The following ARHGAP4 variants were observed in gnomAD, a reference collection of about 807,000 sequenced individuals.
ARHGAP4 encodes Rho GTPase activating protein 4.
ARHGAP4 carries 25 observed loss-of-function variants against 67.6 expected under a neutral mutation model. The observed-to-expected ratio is 0.37, with a 90% confidence interval of 0.27 to 0.52. The LOEUF (loss-of-function observed/expected upper bound fraction) is 0.52, where lower values mean the gene tolerates loss of function less well. Among genes scored for constraint, ARHGAP4 ranks in the 20% least tolerant of loss-of-function variants. The pLI is 0.92. For synonymous variants in ARHGAP4, 448 were observed against 373.7 expected, an observed-to-expected ratio of 1.20 and a Z score of -2.29; for missense variants, 804 against 854.6, an observed-to-expected ratio of 0.94 and a Z score of 0.74.
At position 153,912,823 on chromosome X, in the gene ARHGAP4, C is replaced by T. The variant is rs781959232; in HGVS notation, c.1440-21G>A. ...GGGTCCTGCAGTGAATGGGAGCTGG[C>T]TCTGAGGGGGCCAGGTGTGGAGAAT... On this transcript the variant is annotated intron_variant, in intron 11 of 21. Transcript: ENST00000350060. 2.5e-5 allele frequency: 30 copies of T among 1,179,397 alleles called. No homozygotes were observed. In the South Asian group the frequency reaches 5.3e-4, roughly 21 times the overall value.
chrX:153,909,592 G>C, intron 19 of ARHGAP4, 57 bp from the exon 20 acceptor site: 1 of 981,788 alleles, frequency 1.0e-6, no homozygotes, highest in East Asian at 3.9e-5. Context: ...GGGGTCCAGG[G>C]CCAGCAGCTC....
At chrX:153,925,993 G>C (rs1256855087) in intron 1 of ARHGAP4, 143 bp downstream of exon 1, 1 of 856,985 alleles carries the variant, frequency 1.2e-6, no homozygotes, top group East Asian at 4.3e-5. Context: ...CAGGCAAGGG[G>C]CTCAGGCTCC....
intron 19 of ARHGAP4, 27 bp from the exon 20 acceptor site, chrX:153,909,562 C>T (rs782287995): frequency 6.1e-5 from 71 of 1,165,769 alleles, no homozygotes; most frequent in South Asian, 1.2e-4. Flanking sequence ...CGGCCTGTTT[C>T]GAGTGCTCCT....
chrX:153,911,462 G>C (rs150581735), intron 12 of ARHGAP4, among the ~76,000 whole-genome samples: 1 of 110,941 alleles, frequency 9.0e-6, no homozygotes, highest in Non-Finnish European at 1.9e-5. Flanking sequence ...CATCGTTGTC[G>C]GCACAGAGGC....
Position 153,913,775 on chromosome X carries a change from G to A in ARHGAP4, c.1134+3C>T. ...CCTCTAACCCCCGGTGGGCTGCCCA[G>A]ACCTCCTCTGTCTCAATGGTCTGTC... is the stretch of plus-strand genomic sequence containing the variant. On this transcript the variant is annotated splice_donor_region_variant and intron_variant, in intron 8 of 21. Transcript: ENST00000350060. 1.7e-6 allele frequency: 2 copies of A among 1,211,086 alleles called. No homozygotes were observed. Among genetic ancestry groups the A allele is most frequent in the Non-Finnish European group, 2.2e-6 (2 of 894,892 alleles).
intron 4 of ARHGAP4, 142 bp downstream of exon 4, chrX:153,920,955 G>C: frequency 1.1e-6 from 1 of 892,911 alleles, no homozygotes; most frequent in Non-Finnish European, 1.5e-6. Flanking sequence ...TGCCTAGGGA[G>C]AGAGGCCTTT....
At chrX:153,922,755 CTTCA>C (rs1264117426) in intron 1 of ARHGAP4, among the ~76,000 whole-genome samples, 3 of 112,244 alleles carry the variant, frequency 2.7e-5, no homozygotes, top group Admixed American at 9.4e-5. Flanking sequence ...GAATTGATGT[CTTCA>C]TTCAGCAGAA....
chrX:153,920,890 G>A, intron 4 of ARHGAP4, 82 bp from the exon 5 acceptor site: 2 of 1,137,179 alleles, frequency 1.8e-6, no homozygotes, highest in African/African-American at 1.8e-5. Context: ...TGCCCCTCTG[G>A]AACTTGGACC....
At chrX:153,921,549 G>A in intron 2 of ARHGAP4, 22 bp from the exon 3 acceptor site, 2 of 1,199,993 alleles carry the variant, frequency 1.7e-6, no homozygotes, top group Non-Finnish European at 2.2e-6. Flanking sequence ...GGGGCACTGA[G>A]ACCTGGGAGC....
chrX:153,907,683 G>C lies in ARHGAP4; in HGVS notation c.*46C>G. The stretch of plus-strand genomic sequence containing the variant: ...GCAAGGGGGCTGGGGAGAGTGGCCG[G>C]TCCAGCGGGTAGCCGCCGGGGGCAC... On this transcript the variant is annotated 3_prime_UTR_variant, in exon 22 of 22. Coordinates refer to ENST00000350060, the MANE Select transcript of ARHGAP4 (RefSeq NM_001666.5). 1.4e-6 allele frequency: 1 copy of C among 711,203 alleles called. No individual in the cohort carries two copies. Among genetic ancestry groups the C allele is most frequent in the East Asian group, 3.9e-5 (1 of 25,904 alleles). 58.6% of individuals were successfully genotyped at this position (711,203 alleles called of 1,213,427 possible). A position where few individuals can be genotyped will look rare whatever the true frequency, so the allele number is the denominator to read the frequency against.
chrX:153,926,088 T>G (rs1557106214), intron 1 of ARHGAP4, 48 bp downstream of exon 1: 2 of 1,187,081 alleles, frequency 1.7e-6, no homozygotes, highest in Middle Eastern at 2.3e-4. Flanking sequence ...CCTCACGACC[T>G]TGGGTTCTCC....
chrX:153,922,178 T>C, intron 1 of ARHGAP4: 1 of 868,478 alleles, frequency 1.2e-6, no homozygotes, highest in Non-Finnish European at 1.4e-6. Flanking sequence ...CTGAATGGTT[T>C]CCCCTGCGAC....
Position 153,909,862 on chromosome X carries a change from G to C in ARHGAP4, c.2293C>G (p.Leu765Val), listed in dbSNP as rs1557102433. The C allele has an allele frequency of 1.2e-5, 14 of 1,204,858 alleles. No individual in the cohort carries two copies. Among genetic ancestry groups the C allele is most frequent in the Non-Finnish European group, 1.5e-5 (13 of 892,648 alleles). The part of the protein sequence containing the change: ...FAYTGRTAQE[L>V]SFRRGDVLRL... ...AGTACGTCCCCCCGCCGGAAGCTCA[G>C]CTCCTGGGCTGTGCGGCCCGTGTAG... The change falls in exon 19 of 22, where the codon CTG becomes GTG. Residue 765 changes from leucine to valine, a missense_variant. Leu to Val is a conservative substitution (Grantham distance 32). Transcript: ENST00000350060.
chrX:153,910,760 G>A lies in ARHGAP4; in HGVS notation c.1756C>T (p.Arg586Trp), dbSNP rs202208300. The stretch of plus-strand genomic sequence containing the variant: ...GGGAAGAGTGGGGGCTCCAGGCTCC[G>A]GAAGTAGAGCTTCAGCACCCCGGCC... ...SVAGVLKLYF[R>W]SLEPPLFPPD... Residue 586 changes from arginine to tryptophan, a missense_variant, in exon 15 of 22, where the codon CGG becomes TGG. Arg to Trp is a moderately radical substitution (Grantham distance 101). This residue lies in a region of ARHGAP4 where 400 missense variants were observed against 348.7 expected (regional missense o/e 1.15). Transcript: ENST00000350060. 2.1e-5 allele frequency: 25 copies of A among 1,191,649 alleles called. No homozygotes were observed. The highest frequency in any genetic ancestry group is 2.8e-5 in the Non-Finnish European group (25 of 885,931).
chrX:153,909,672 G>A, intron 19 of ARHGAP4, 69 bp downstream of exon 19: 10 of 1,111,523 alleles, frequency 9.0e-6, no homozygotes, highest in Non-Finnish European at 1.2e-5. Context: ...ATCTAACTTG[G>A]GGTCGGGGGA....
intron 5 of ARHGAP4, chrX:153,919,558 C>A: frequency 8.7e-7 from 1 of 1,153,664 alleles, no homozygotes; most frequent in Non-Finnish European, 1.2e-6. Context: ...CAGAACTATT[C>A]ACAGATACCT....
intron 12 of ARHGAP4, among the ~76,000 whole-genome samples, chrX:153,912,241 C>T (rs782288841): frequency 1.7e-4 from 19 of 109,768 alleles, no homozygotes; most frequent in Non-Finnish European, 3.2e-4. Flanking sequence ...AGGCTGGTCT[C>T]GAACACCTGG....
chrX:153,914,109 C>T (rs1603285710), intron 7 of ARHGAP4: 3 of 417,927 alleles, frequency 7.2e-6, no homozygotes, highest in Non-Finnish European at 1.3e-5. Context: ...GATGGCTAAA[C>T]TCAGCGCGGT....
rs1603284687 is a variant in ARHGAP4, at chrX:153,910,809, G to A, written c.1707C>T (p.Cys569=). 1 of 1,191,564 alleles carries A rather than the reference G, an allele frequency of 8.4e-7. No homozygotes were observed. Among genetic ancestry groups the A allele is most frequent in the Non-Finnish European group, 1.1e-6 (1 of 884,798 alleles). Residue 569 remains cysteine (C), a synonymous_variant, in exon 15 of 22, where the codon TGC becomes TGT. Transcript: ENST00000350060. ...ERGEDPLVEG[C]TAHDLDSVAG... ...CCACCGAGTCCAGGTCATGGGCAGT[G>A]CAGCCCTCCACCAGTGGGTCCTCCC...
Sources: gnomAD v4.1 joint callset for allele counts (sites outside exome capture counted in the v4.1 genomes callset) on GRCh38, gnomAD v4.1.1 for gene constraint, gnomAD v4.1.1 regional missense constraint, MANE v1.5 for transcripts, NCBI Gene and HGNC (gene_info 2026-07-23, HGNC 2026-07-21) for gene names.